Variants in OTOA observed in about 807,000 individuals in gnomAD.
The protein encoded by OTOA is cancer/testis antigen 108.
A neutral mutation model predicts 110.8 loss-of-function variants in OTOA; 70 were observed. The observed-to-expected ratio is 0.63, with a 90% CI of 0.52 to 0.77. The LOEUF (loss-of-function observed/expected upper bound fraction) is 0.77. Among genes scored for constraint, OTOA ranks in the 30% least tolerant of loss-of-function variants. OTOA has a pLI of 0.00. For missense variants in OTOA, 917 were observed against 1,075.8 expected (o/e 0.85, Z 2.06); for synonymous variants, 373 against 431.5 (o/e 0.86, Z 1.68).
At chr16:21,704,709 G>A in intron 11 of OTOA, among the ~76,000 whole-genome samples, 1 of 152,158 alleles carries the variant, frequency 6.6e-6, no homozygotes, top group East Asian at 1.9e-4. Flanking sequence ...GAAGCACTAG[G>A]TTTTTGTAGA....
intron 19 of OTOA, among the ~76,000 whole-genome samples, chr16:21,727,749 G>A (rs1054693619): frequency 6.6e-6 from 1 of 152,024 alleles, no homozygotes; most frequent in African/African-American, 2.4e-5. Context: ...GGGTTTTCCA[G>A]ATTTCTGAGG....
At chr16:21,676,671 C>T (rs1293073666) in intron 1 of OTOA, among the ~76,000 whole-genome samples, 2 of 152,152 alleles carry the variant, frequency 1.3e-5, no homozygotes, top group Admixed American at 6.5e-5. Context: ...CTCAAAAGAC[C>T]CTTCTTCAGA....
intron 1 of OTOA, 29 bp from the exon 2 acceptor site, chr16:21,678,482 A>G: frequency 3.4e-6 from 5 of 1,479,748 alleles, no homozygotes; most frequent in Non-Finnish European, 3.8e-6. Context: ...AAAAAACATG[A>G]ATCACTTCTA....
intron 8 of OTOA, among the ~76,000 whole-genome samples, chr16:21,689,414 C>T (rs769428712): frequency 5.9e-5 from 9 of 152,104 alleles, no homozygotes; most frequent in African/African-American, 9.7e-5. Flanking sequence ...TTCCCTCCTC[C>T]GTTCATGCAG....
chr16:21,716,334 G>C (rs969332179), intron 14 of OTOA, among the ~76,000 whole-genome samples: 9 of 152,162 alleles, frequency 5.9e-5, no homozygotes, highest in African/African-American at 2.2e-4. Flanking sequence ...CACTTTGGTA[G>C]GCCAAGGTGG....
chr16:21,705,503 C>T, intron 12 of OTOA: 3 of 735,808 alleles, frequency 4.1e-6, no homozygotes, highest in Non-Finnish European at 6.4e-6. Context: ...CTGGGGAGAT[C>T]AAAATTTAAT....
chr16:21,722,905 GTTAA>G lies in OTOA; in HGVS notation c.1810_1813del (p.Asn604ValfsTer39). On this transcript the variant is annotated frameshift_variant and splice_region_variant, in exon 18 of 29. Transcript: ENST00000646100. LOFTEE classifies it high-confidence loss of function. ...TCCCCAGAACTGCTTAATCTTTCAG[GTTAA>G]TTGTTTGGCGTGGAAATACTGGGAA... 2 of 1,613,776 alleles carry G rather than the reference GTTAA, an allele frequency of 1.2e-6. No individual in the cohort carries two copies. Among genetic ancestry groups the G allele is most frequent in the East Asian group, 4.5e-5 (2 of 44,874 alleles).
Position 21,707,595 on chromosome 16 carries a change from TTCTTTC to T in OTOA, c.1105-2291_1105-2286del, listed in dbSNP as rs1346361113. Among the ~76,000 whole-genome samples, 21 of 35,488 alleles carry T rather than the reference TTCTTTC, an allele frequency of 5.9e-4. No homozygotes were observed. The Admixed American group carries it at 6.1e-3, about 10-fold the overall frequency. 23.3% of individuals were successfully genotyped at this position (35,488 alleles called of 152,430 possible). ...CTCCCTACCTTCCTTCTCCTTCCTT[TTCTTTC>T]TTTCTTTCTTTCTTTCTTTCTTTCT... On this transcript the variant is annotated intron_variant, in intron 12 of 28. Coordinates refer to ENST00000646100, the MANE Select transcript of OTOA (RefSeq NM_144672.4).
In OTOA at chr16:21,728,378, C is replaced by T; in HGVS notation, c.2154C>T (p.Asp718=). Residue 718 remains aspartate, a synonymous_variant, in exon 20 of 29, where the codon GAC becomes GAT. Coordinates refer to ENST00000646100, the MANE Select transcript of OTOA (RefSeq NM_144672.4). ...TALHGLRDCP[D]LNPEQKAAVR... ...TACACGGCCTCAGAGACTGCCCAGACCTCAACCCTGAGCAAAAGGCTGCAG... is the reference window on the plus strand; with the variant it reads ...TACACGGCCTCAGAGACTGCCCAGATCTCAACCCTGAGCAAAAGGCTGCAG... 6.2e-7 allele frequency: 1 copy of T among 1,614,150 alleles called. No homozygotes were observed. Among genetic ancestry groups the T allele is most frequent in the Non-Finnish European group, 8.5e-7 (1 of 1,180,020 alleles).
At chr16:21,685,019 G>C (rs1276635591) in intron 6 of OTOA, among the ~76,000 whole-genome samples, 8 of 151,996 alleles carry the variant, frequency 5.3e-5, no homozygotes, top group Admixed American at 1.3e-4. Flanking sequence ...CAAAGTGCTG[G>C]GATTACAGGC....
intron 1 of OTOA, among the ~76,000 whole-genome samples, chr16:21,674,765 A>G (rs183019006): frequency 2.6e-5 from 4 of 151,556 alleles, no homozygotes; most frequent in Non-Finnish European, 5.9e-5. Context: ...ATCTGTATAT[A>G]TACTTTGATG....
At chr16:21,735,898 C>T (rs1427637729) in intron 21 of OTOA, among the ~76,000 whole-genome samples, 2 of 152,054 alleles carry the variant, frequency 1.3e-5, no homozygotes, top group African/African-American at 4.8e-5. Context: ...CTCGCCTAAC[C>T]TACATTTTTT....
chr16:21,684,943 G>A (rs904273552), intron 6 of OTOA, among the ~76,000 whole-genome samples: 4 of 151,822 alleles, frequency 2.6e-5, no homozygotes, highest in Non-Finnish European at 5.9e-5. Flanking sequence ...GTAGAGACGG[G>A]GTTTCACCAT....
Position 21,691,585 on chromosome 16 carries a change from T to A in OTOA, c.637T>A (p.Ser213Thr). Residue 213 changes from serine (S) to threonine (T), a missense_variant and splice_region_variant, in exon 9 of 29, where the codon TCT becomes ACT. Coordinates refer to ENST00000646100, the MANE Select transcript of OTOA (RefSeq NM_144672.4). ...GATGCCTGTGTTTGTGTCATTTAGA[T>A]CTGCAGTGTTCAAAGATCTCTACGA... ...DLREDAFKNL[S>T]AVFKDLYDKT... The A allele has an allele frequency of 6.2e-7, 1 of 1,612,288 alleles. No individual in the cohort carries two copies. The highest frequency in any genetic ancestry group is 8.5e-7 in the Non-Finnish European group (1 of 1,178,506).
chr16:21,723,022 C>A, intron 18 of OTOA, 44 bp downstream of exon 18: 2 of 1,585,616 alleles, frequency 1.3e-6, no homozygotes, highest in Non-Finnish European at 1.7e-6. Flanking sequence ...TCAGTGAGAT[C>A]GGTGGGAATC....
chr16:21,690,805 G>GA (rs1897813691), intron 8 of OTOA, among the ~76,000 whole-genome samples: 1 of 151,706 alleles, frequency 6.6e-6, no homozygotes, highest in Non-Finnish European at 1.5e-5. Context: ...TTACATTCAA[G>GA]AAAGGGAAGG....
chr16:21,697,563 C>T (rs889859846), intron 9 of OTOA, among the ~76,000 whole-genome samples: 24 of 152,122 alleles, frequency 1.6e-4, no homozygotes, highest in Middle Eastern at 3.4e-3. Context: ...AACCGGCAGG[C>T]GGAGGTTGAG....
At chr16:21,714,495 TCTC>T (rs1898487209) in intron 13 of OTOA, among the ~76,000 whole-genome samples, 2 of 79,370 alleles carry the variant, frequency 2.5e-5, no homozygotes, top group Admixed American at 1.1e-4. Context: ...CCTCTCTCTC[TCTC>T]TCTTTCTTTC....
intron 6 of OTOA, among the ~76,000 whole-genome samples, chr16:21,683,712 A>C (rs1053012984): frequency 9.2e-5 from 14 of 151,986 alleles, no homozygotes; most frequent in Admixed American, 1.3e-4. Flanking sequence ...TCTCTAAAAC[A>C]AAAACAAAAA....
Sources: allele counts gnomAD v4.1 joint callset (sites outside exome capture counted in the v4.1 genomes callset), GRCh38; gene constraint gnomAD v4.1.1; transcripts MANE v1.5; gene names NCBI Gene and HGNC (gene_info 2026-07-23, HGNC 2026-07-21).